INVS: variants seen among roughly 807,000 people sequenced by gnomAD.
INVS encodes inversin, also known as inversion of embryo turning homolog.
Under a neutral mutation model 108.8 loss-of-function variants are expected in INVS, and 86 were observed. That is an observed-to-expected ratio of 0.79 (90% CI 0.66 to 0.95). The LOEUF (loss-of-function observed/expected upper bound fraction) is 0.95. INVS is among the 40% of genes least tolerant of loss of function. The pLI is 0.00. For missense variants in INVS, 1,169 were observed against 1,297.4 expected (o/e 0.90, Z 1.52); for synonymous variants, 455 against 473.5 (o/e 0.96, Z 0.51).
In INVS at chr9:100,242,520, T is replaced by G. The variant is rs754618831; in HGVS notation, c.797-50T>G. On this transcript the variant is annotated intron_variant, in intron 6 of 16. Transcript: ENST00000262457. The stretch of plus-strand genomic sequence containing the variant: ...TTTTTCATTTAAATAGATTATAAAT[T>G]AATTAACATCCTTTATAAGTGATAA... 1.0e-5 allele frequency: 10 copies of G among 979,868 alleles called. No individual in the cohort carries two copies. The South Asian group carries it at 1.3e-4, about 13-fold the overall frequency. 60.7% of individuals were successfully genotyped at this position (979,868 alleles called of 1,614,324 possible). A position where few individuals can be genotyped will look rare whatever the true frequency, so the allele number is the denominator to read the frequency against.
intron 16 of INVS, chr9:100,298,419 GC>G: frequency 1.3e-6 from 1 of 747,916 alleles, no homozygotes; most frequent in Non-Finnish European, 1.6e-6. Context: ...AGCATGTACA[GC>G]CCAGGCTCAG....
At chr9:100,166,337 C>T (rs1829362140) in intron 3 of INVS, among the ~76,000 whole-genome samples, 1 of 152,060 alleles carries the variant, frequency 6.6e-6, no homozygotes, top group African/African-American at 2.4e-5. Context: ...AGGAAGACCC[C>T]ATCTCTACAA....
At chr9:100,161,121 A>G (rs571040256) in intron 3 of INVS, among the ~76,000 whole-genome samples, 1 of 149,524 alleles carries the variant, frequency 6.7e-6, no homozygotes, top group Non-Finnish European at 1.5e-5. Flanking sequence ...CACGCCTGTA[A>G]TCCCAGCACT....
chr9:100,133,784 C>G (rs1258894744), intron 3 of INVS, among the ~76,000 whole-genome samples: 1 of 151,166 alleles, frequency 6.6e-6, no homozygotes. Context: ...CACACACACA[C>G]ACACACACAC....
chr9:100,197,825 G>A (rs1489632330), intron 3 of INVS, among the ~76,000 whole-genome samples: 4 of 152,190 alleles, frequency 2.6e-5, no homozygotes, highest in African/African-American at 9.7e-5. Context: ...AGGTAGGTCA[G>A]AGAATTTCTT....
At chr9:100,228,261 G>A (rs1312427680) in intron 4 of INVS, among the ~76,000 whole-genome samples, 1 of 152,126 alleles carries the variant, frequency 6.6e-6, no homozygotes, top group Non-Finnish European at 1.5e-5. Flanking sequence ...AAAGTGCCGG[G>A]ATTACAGGCA....
intron 3 of INVS, among the ~76,000 whole-genome samples, chr9:100,173,519 G>C (rs1279802780): frequency 6.6e-6 from 1 of 152,122 alleles, no homozygotes; most frequent in Non-Finnish European, 1.5e-5. Context: ...CTTGAGGTAG[G>C]GAGTTCGAGA....
At chr9:100,177,177 T>G (rs777560159) in intron 3 of INVS, among the ~76,000 whole-genome samples, 1 of 152,002 alleles carries the variant, frequency 6.6e-6, no homozygotes. Flanking sequence ...GCCCTGGGTT[T>G]CAAGCAAAAA....
chr9:100,263,266 T>A (rs986696916), intron 10 of INVS, among the ~76,000 whole-genome samples: 1 of 152,194 alleles, frequency 6.6e-6, no homozygotes, highest in African/African-American at 2.4e-5. Flanking sequence ...TTACCACAGG[T>A]TTAGTGGCTT....
intron 3 of INVS, among the ~76,000 whole-genome samples, chr9:100,179,187 C>T (rs1246450940): frequency 6.6e-6 from 1 of 152,126 alleles, no homozygotes; most frequent in African/African-American, 2.4e-5. Flanking sequence ...CAAAAACATA[C>T]CAAATTGTAA....
chr9:100,191,871 C>G (rs1830232666), intron 3 of INVS, among the ~76,000 whole-genome samples: 1 of 151,822 alleles, frequency 6.6e-6, no homozygotes, highest in South Asian at 2.1e-4. Context: ...TTTTTATTCC[C>G]CCTTAAGGAT....
rs114065213 is a variant in INVS at position 100,205,310 on chromosome 9, A to T, written c.274-20752A>T. Among the ~76,000 whole-genome samples the T allele has an allele frequency of 2.5e-3, 375 of 152,254 alleles. 1 individual carries two copies. Among genetic ancestry groups the T allele is most frequent in the African/African-American group, 8.5e-3 (352 of 41,546 alleles). ...TGGTAGCCTTTCTCAGGTTTCTGAC[A>T]TATCCTTAATCTGATGCTCAGCCTT... On this transcript the variant is annotated intron_variant, in intron 3 of 16. Coordinates refer to ENST00000262457, the MANE Select transcript of INVS (RefSeq NM_014425.5).
intron 3 of INVS, among the ~76,000 whole-genome samples, chr9:100,137,935 A>T (rs1001317557): frequency 6.6e-6 from 1 of 152,194 alleles, no homozygotes; most frequent in African/African-American, 2.4e-5. Flanking sequence ...GTTCTACTGA[A>T]TTTTTTGTAG....
chr9:100,265,858 A>T (rs547763472), intron 11 of INVS, among the ~76,000 whole-genome samples: 1 of 152,198 alleles, frequency 6.6e-6, no homozygotes, highest in Admixed American at 6.5e-5. Context: ...GAGCAGATCA[A>T]CTGAGGTCAG....
At chr9:100,263,111 TCTAATTTCTATTTC>T (rs1448816946) in intron 10 of INVS, among the ~76,000 whole-genome samples, 2 of 152,170 alleles carry the variant, frequency 1.3e-5, no homozygotes, top group Non-Finnish European at 2.9e-5. Flanking sequence ...TTTTCTAACT[TCTAATTTCTATTTC>T]CTAATTTCTA....
intron 2 of INVS, among the ~76,000 whole-genome samples, chr9:100,108,564 A>G (rs1424274740): frequency 6.6e-6 from 1 of 152,202 alleles, no homozygotes; most frequent in Non-Finnish European, 1.5e-5. Flanking sequence ...TGTATCACAT[A>G]TTTGATGATC....
chr9:100,246,598 A>C lies in INVS; in HGVS notation c.907-18A>C, dbSNP rs1330796327. On this transcript the variant is annotated intron_variant, in intron 7 of 16. Coordinates refer to ENST00000262457, the MANE Select transcript of INVS (RefSeq NM_014425.5). Reference sequence around the variant, plus strand: ...ACTACTGTTTTGTCTCCATTTTTTAAATCAAGTTTTCTTACAGGAAACGGT... The same window carrying C: ...ACTACTGTTTTGTCTCCATTTTTTACATCAAGTTTTCTTACAGGAAACGGT... The C allele has an allele frequency of 6.3e-7, 1 of 1,597,774 alleles. No individual in the cohort carries two copies. Among genetic ancestry groups the C allele is most frequent in the Admixed American group, 1.7e-5 (1 of 59,874 alleles).
At chr9:100,261,201 T>C (rs1212612340) in intron 10 of INVS, among the ~76,000 whole-genome samples, 1 of 152,114 alleles carries the variant, frequency 6.6e-6, no homozygotes, top group Non-Finnish European at 1.5e-5. Context: ...TGTTACTGTA[T>C]GTAAAAGTAA....
intron 3 of INVS, among the ~76,000 whole-genome samples, chr9:100,145,794 G>T (rs2476439): frequency 0.46 from 70,246 of 151,934 alleles, 17,737 homozygotes; most frequent in East Asian, 0.9. Context: ...TCTGTGACCA[G>T]CGCCGGAGTT....
Sources: allele counts gnomAD v4.1 joint callset (sites outside exome capture counted in the v4.1 genomes callset), GRCh38; gene constraint gnomAD v4.1.1; transcripts MANE v1.5; gene names NCBI Gene and HGNC (gene_info 2026-07-23, HGNC 2026-07-21).